RAB27A: variants seen among roughly 807,000 people sequenced by gnomAD.
The protein encoded by RAB27A is ras-related protein Rab-27A.
Under a neutral mutation model 20.8 loss-of-function variants are expected in RAB27A, and 17 were observed. The observed-to-expected ratio is 0.82, with a 90% CI of 0.56 to 1.23. The LOEUF is 1.23. Ranked by LOEUF, RAB27A falls within the 50% of genes most tolerant of loss-of-function variation. RAB27A has a pLI of 0.00. For missense variants in RAB27A, 277 were observed against 266.7 expected, an observed-to-expected ratio of 1.04 and a Z score of -0.27; for synonymous variants, 85 against 92.8, an observed-to-expected ratio of 0.92 and a Z score of 0.48.
intron 6 of RAB27A, among the ~76,000 whole-genome samples, chr15:55,215,807 G>C (rs1204257962): frequency 6.6e-6 from 1 of 151,624 alleles, no homozygotes; most frequent in Non-Finnish European, 1.5e-5. Context: ...TTAGCCAGGC[G>C]TGGTGGCAGG....
intron 6 of RAB27A, among the ~76,000 whole-genome samples, chr15:55,207,411 A>G (rs1342909856): frequency 2.0e-5 from 3 of 152,234 alleles, no homozygotes; most frequent in Admixed American, 6.5e-5. Flanking sequence ...GGGCAGCCAG[A>G]GTCCCTGAAC....
At chr15:55,270,060 A>G (rs1897655265) in intron 2 of RAB27A, 105 bp downstream of exon 2, 1 of 152,192 alleles carries the variant, frequency 6.6e-6, no homozygotes, top group South Asian at 2.1e-4. Flanking sequence ...CAGTACGTGC[A>G]ATGGTATTGT....
chr15:55,274,250 T>C (rs2141106012), intron 1 of RAB27A, among the ~76,000 whole-genome samples: 1 of 152,076 alleles, frequency 6.6e-6, no homozygotes, highest in African/African-American at 2.4e-5. Context: ...AGAAGCAGTT[T>C]TAAGAGGGAA....
At chr15:55,311,368 T>C (rs1277040782) in intron 2 of RAB27A, among the ~76,000 whole-genome samples, 3 of 152,196 alleles carry the variant, frequency 2.0e-5, no homozygotes, top group East Asian at 3.9e-4. Flanking sequence ...CTGGGCCGAA[T>C]TCTCCTCCCA....
At chr15:55,260,285 A>C (rs150519962) in intron 2 of RAB27A, among the ~76,000 whole-genome samples, 11 of 152,350 alleles carry the variant, frequency 7.2e-5, no homozygotes, top group Non-Finnish European at 1.6e-4. Flanking sequence ...CACTGACAAC[A>C]TCAAATGCTG....
At chr15:55,227,094 C>G (rs1895836624) in intron 5 of RAB27A, among the ~76,000 whole-genome samples, 1 of 152,058 alleles carries the variant, frequency 6.6e-6, no homozygotes, top group African/African-American at 2.4e-5. Context: ...TATAAGTGTT[C>G]TTTACCTAAC....
intron 6 of RAB27A, among the ~76,000 whole-genome samples, chr15:55,209,920 A>G (rs1055692426): frequency 1.2e-5 from 1 of 82,352 alleles, no homozygotes; most frequent in Non-Finnish European, 2.3e-5. Context: ...GTATGTATAT[A>G]CACACATATA....
At chr15:55,218,168 A>G (rs1441953565) in intron 6 of RAB27A, among the ~76,000 whole-genome samples, 5 of 152,212 alleles carry the variant, frequency 3.3e-5, no homozygotes, top group Non-Finnish European at 7.4e-5. Context: ...TCTAGAAATT[A>G]TGAACAAACG....
At position 55,204,059 on chromosome 15, in the gene RAB27A, T is replaced by A. The variant is rs1484134943; in HGVS notation, c.*1448A>T. 2.6e-5 allele frequency: 4 copies of A among 152,204 alleles called. No homozygotes were observed. The highest frequency in any genetic ancestry group is 1.3e-4 in the Admixed American group (2 of 15,286). The allele number at this position is 152,204 out of a possible 1,614,324, so 9.4% of individuals were successfully genotyped here. A position where few individuals can be genotyped will look rare whatever the true frequency, so the allele number is the denominator to read the frequency against. ...ATACTTGTATTTTTCTAATTACAGTTCTACCAAACATTTGCCACCACAAAA... is the reference window on the plus strand; with the variant it reads ...ATACTTGTATTTTTCTAATTACAGTACTACCAAACATTTGCCACCACAAAA... On this transcript the variant is annotated 3_prime_UTR_variant, in exon 7 of 7. Coordinates refer to ENST00000336787, the MANE Select transcript of RAB27A (RefSeq NM_183235.3).
At chr15:55,254,266 C>A (rs1441390945) in intron 2 of RAB27A, among the ~76,000 whole-genome samples, 3 of 152,062 alleles carry the variant, frequency 2.0e-5, no homozygotes, top group African/African-American at 7.2e-5. Flanking sequence ...TAAGTTATTA[C>A]TTTCCTATAC....
intron 2 of RAB27A, among the ~76,000 whole-genome samples, chr15:55,298,331 G>C (rs2141141273): frequency 6.6e-6 from 1 of 152,134 alleles, no homozygotes; most frequent in South Asian, 2.1e-4. Context: ...GAGTACAAAA[G>C]AGAGAAATTT....
intron 2 of RAB27A, among the ~76,000 whole-genome samples, chr15:55,236,582 C>T (rs958144087): frequency 6.6e-6 from 1 of 152,172 alleles, no homozygotes; most frequent in Non-Finnish European, 1.5e-5. Context: ...TACCTAACCA[C>T]GGCTATTTTT....
intron 6 of RAB27A, among the ~76,000 whole-genome samples, chr15:55,206,901 G>A (rs548749691): frequency 6.6e-6 from 1 of 152,130 alleles, no homozygotes; most frequent in Non-Finnish European, 1.5e-5. Context: ...GCGACAGGCC[G>A]AAATACATGG....
intron 6 of RAB27A, among the ~76,000 whole-genome samples, 167 bp downstream of exon 6, chr15:55,223,722 A>T (rs1162999431): frequency 6.6e-6 from 1 of 152,206 alleles, no homozygotes; most frequent in Non-Finnish European, 1.5e-5. Flanking sequence ...ATGCATTGTC[A>T]ATGGATCCTA....
chr15:55,220,259 TTTTGTTTG>T (rs148320571), intron 6 of RAB27A, among the ~76,000 whole-genome samples: 6 of 151,850 alleles, frequency 4.0e-5, no homozygotes, highest in African/African-American at 9.7e-5. Flanking sequence ...GTTTGTTTGT[TTTTGTTTG>T]TTTGTTTGTT....
chr15:55,220,259 TTTTG>T (rs148320571), intron 6 of RAB27A, among the ~76,000 whole-genome samples: 18,668 of 151,920 alleles, frequency 0.12, 1,413 homozygotes, highest in Admixed American at 0.2. Context: ...GTTTGTTTGT[TTTTG>T]TTTGTTTGTT....
At chr15:55,249,711 A>T (rs548350519) in intron 2 of RAB27A, among the ~76,000 whole-genome samples, 18 of 152,178 alleles carry the variant, frequency 1.2e-4, no homozygotes, top group Non-Finnish European at 2.4e-4. Flanking sequence ...ATCCTTATTT[A>T]TCTTTTTGCT....
rs374836351 is a variant in RAB27A, at chr15:55,296,273, G to A, written c.-112+17766C>T. Among the ~76,000 whole-genome samples the A allele has an allele frequency of 1.2e-3, 182 of 151,604 alleles. 1 individual carries two copies. Among genetic ancestry groups the A allele is most frequent in the South Asian group, 2.3e-3 (11 of 4,768 alleles). On this transcript the variant is annotated intron_variant, in intron 2 of 5. Coordinates refer to the RAB27A transcript ENST00000563262. ...TGTAAGCCCAGCACTTTGGGAGGCC[G>A]AGGTGGGCAGTCTGGAGTTCCAGAC...
intron 2 of RAB27A, among the ~76,000 whole-genome samples, chr15:55,263,271 TA>T (rs1334810502): frequency 6.6e-6 from 1 of 152,190 alleles, no homozygotes; most frequent in South Asian, 2.1e-4. Context: ...TTTGAATGGC[TA>T]AAAAGTGAAA....
Sources: allele counts gnomAD v4.1 joint callset (sites outside exome capture counted in the v4.1 genomes callset), GRCh38; gene constraint gnomAD v4.1.1; transcripts MANE v1.5; gene names NCBI Gene and HGNC (gene_info 2026-07-23, HGNC 2026-07-21).